Variants in B3GAT2 observed in about 807,000 individuals in gnomAD.
The protein encoded by B3GAT2 is galactosylgalactosylxylosylprotein 3-beta-glucuronosyltransferase 2.
A neutral mutation model predicts 27.8 loss-of-function variants in B3GAT2; 26 were observed. That is an observed-to-expected ratio of 0.93 (90% CI 0.68 to 1.30). The LOEUF (loss-of-function observed/expected upper bound fraction) is 1.30. B3GAT2 is among the 50% of genes most tolerant of loss of function. The pLI, the probability that B3GAT2 is intolerant of heterozygous loss-of-function variation, is 0.00. For synonymous variants in B3GAT2, 218 were observed against 195.1 expected (o/e 1.12, Z -0.98); for missense variants, 458 against 459.0 (o/e 1.00, Z 0.02).
chr6:70,858,285 ATCTTTTT>A lies in B3GAT2; in HGVS notation c.*3371_*3377del. Reference sequence around the variant, plus strand: ...AAATCAAACCAGATTTATTTTCTAAATCTTTTTTTTTTTTTTTTTTTTTTTTTTTTAA... The same window carrying A: ...AAATCAAACCAGATTTATTTTCTAAATTTTTTTTTTTTTTTTTTTTTTTAA... On this transcript the variant is annotated 3_prime_UTR_variant, in exon 4 of 4. Coordinates refer to ENST00000230053, the MANE Select transcript of B3GAT2 (RefSeq NM_080742.3). 4.9e-6 allele frequency: 5 copies of A among 1,019,714 alleles called. No homozygotes were observed. Among genetic ancestry groups the A allele is most frequent in the African/African-American group, 2.1e-5 (1 of 48,740 alleles). The allele number at this position is 1,019,714 out of a possible 1,614,324, so 63.2% of individuals were successfully genotyped here.
chr6:70,920,264 C>T (rs556713984), intron 1 of B3GAT2, among the ~76,000 whole-genome samples: 209 of 152,298 alleles, frequency 1.4e-3, no homozygotes, highest in Non-Finnish European at 2.3e-3. Context: ...CTGCCTGTTG[C>T]GAATACCGTG....
Position 70,857,095 on chromosome 6 carries a change from T to G in B3GAT2, c.*4568A>C. 2 of 1,414,048 alleles carry G rather than the reference T, an allele frequency of 1.4e-6. No homozygotes were observed. Among genetic ancestry groups the G allele is most frequent in the Non-Finnish European group, 9.5e-7 (1 of 1,056,084 alleles). The allele number at this position is 1,414,048 out of a possible 1,614,324, so 87.6% of individuals were successfully genotyped here. On this transcript the variant is annotated 3_prime_UTR_variant, in exon 4 of 4. Transcript: ENST00000230053. ...AAGTACATCCTTTGTAATTATATAA[T>G]AAGATCAATTATATATCTTTTATTG...
At chr6:70,940,860 G>A (rs1161405655) in intron 1 of B3GAT2, among the ~76,000 whole-genome samples, 8 of 152,284 alleles carry the variant, frequency 5.3e-5, no homozygotes, top group Admixed American at 5.2e-4. Flanking sequence ...TCCAGGAGGT[G>A]GAAGTTGCAG....
intron 1 of B3GAT2, among the ~76,000 whole-genome samples, chr6:70,926,758 T>A (rs1317719637): frequency 6.6e-6 from 1 of 152,192 alleles, no homozygotes; most frequent in Non-Finnish European, 1.5e-5. Flanking sequence ...CTCTTCAGGA[T>A]ATTATGCAGG....
intron 1 of B3GAT2, among the ~76,000 whole-genome samples, chr6:70,921,707 T>C (rs1043746205): frequency 6.6e-6 from 1 of 152,238 alleles, no homozygotes; most frequent in Non-Finnish European, 1.5e-5. Flanking sequence ...TGATTCTTTC[T>C]CATCTGTGTG....
At position 70,929,254 on chromosome 6, in the gene B3GAT2, G is replaced by A. The variant is rs571036081; in HGVS notation, c.591+26585C>T. Among the ~76,000 whole-genome samples the A allele has an allele frequency of 4.1e-4, 63 of 151,936 alleles. No homozygotes were observed. The East Asian group carries it at 0.011, about 27-fold the overall frequency. On this transcript the variant is annotated intron_variant, in intron 1 of 3. Coordinates refer to ENST00000230053, the MANE Select transcript of B3GAT2 (RefSeq NM_080742.3). ...AGGAGATATACCTAATGTAAATGACGAGTTAATGGGTGCAGCACACCAACA... is the reference window on the plus strand; with the variant it reads ...AGGAGATATACCTAATGTAAATGACAAGTTAATGGGTGCAGCACACCAACA...
intron 2 of B3GAT2, among the ~76,000 whole-genome samples, chr6:70,888,651 C>T (rs964368044): frequency 3.3e-5 from 5 of 152,180 alleles, no homozygotes; most frequent in Non-Finnish European, 7.3e-5. Context: ...CTAATCACAT[C>T]AGTCCCCTAC....
intron 1 of B3GAT2, among the ~76,000 whole-genome samples, chr6:70,932,144 A>T (rs1773072403): frequency 6.6e-6 from 1 of 152,214 alleles, no homozygotes; most frequent in Non-Finnish European, 1.5e-5. Context: ...AAAACAAAAA[A>T]TAACAAGTGG....
At chr6:70,883,918 G>A (rs1772138235) in intron 2 of B3GAT2, among the ~76,000 whole-genome samples, 2 of 151,756 alleles carry the variant, frequency 1.3e-5, no homozygotes, top group East Asian at 1.9e-4. Context: ...TCTATTGAGC[G>A]TTCCCAAACT....
chr6:70,923,178 T>C (rs1253579682), intron 1 of B3GAT2, among the ~76,000 whole-genome samples: 1 of 152,212 alleles, frequency 6.6e-6, no homozygotes, highest in East Asian at 1.9e-4. Flanking sequence ...CATTGGGACC[T>C]AGTACCAGGT....
chr6:70,905,520 G>A (rs148012506), intron 1 of B3GAT2, among the ~76,000 whole-genome samples: 209 of 152,262 alleles, frequency 1.4e-3, no homozygotes, highest in African/African-American at 4.8e-3. Flanking sequence ...AATGTACTCC[G>A]ATAACCTACG....
intron 2 of B3GAT2, among the ~76,000 whole-genome samples, chr6:70,872,803 T>A (rs1330479251): frequency 6.6e-6 from 1 of 152,016 alleles, no homozygotes; most frequent in Non-Finnish European, 1.5e-5. Flanking sequence ...AAACAAATAT[T>A]TCCTAGTGTA....
intron 1 of B3GAT2, among the ~76,000 whole-genome samples, chr6:70,919,928 T>C (rs1772839256): frequency 6.6e-6 from 1 of 152,152 alleles, no homozygotes; most frequent in South Asian, 2.1e-4. Context: ...ACCACTGCTT[T>C]CTTCAGAGCT....
At chr6:70,902,967 T>C (rs753119220) in intron 1 of B3GAT2, among the ~76,000 whole-genome samples, 22 of 152,156 alleles carry the variant, frequency 1.4e-4, no homozygotes, top group African/African-American at 5.3e-4. Context: ...AGATCTATTG[T>C]ATATCATGGT....
At chr6:70,863,458 T>C (rs1771798392) in intron 2 of B3GAT2, among the ~76,000 whole-genome samples, 1 of 152,214 alleles carries the variant, frequency 6.6e-6, no homozygotes, top group African/African-American at 2.4e-5. Flanking sequence ...AAGCATTAGC[T>C]GTAGGACTAG....
chr6:70,865,406 C>T (rs546416548), intron 2 of B3GAT2, among the ~76,000 whole-genome samples: 6 of 152,326 alleles, frequency 3.9e-5, no homozygotes, highest in African/African-American at 1.4e-4. Flanking sequence ...GCGTGAGCTA[C>T]AGCAGCCAGT....
intron 1 of B3GAT2, among the ~76,000 whole-genome samples, chr6:70,950,064 G>GT (rs1765554806): frequency 1.5e-5 from 2 of 133,738 alleles, no homozygotes; most frequent in African/African-American, 2.8e-5. Flanking sequence ...TGGGGTGGGG[G>GT]TTGGGGGGAG....
chr6:70,903,439 G>A (rs1772542659), intron 1 of B3GAT2, among the ~76,000 whole-genome samples: 1 of 152,004 alleles, frequency 6.6e-6, no homozygotes, highest in Admixed American at 6.6e-5. Context: ...TGTAGACTGG[G>A]AGAACATATC....
intron 1 of B3GAT2, among the ~76,000 whole-genome samples, chr6:70,928,546 T>C (rs1773004057): frequency 6.6e-6 from 1 of 152,134 alleles, no homozygotes. Flanking sequence ...CATCAGAGAA[T>C]ACTATAAACA....
Sources: allele counts gnomAD v4.1 joint callset (sites outside exome capture counted in the v4.1 genomes callset), GRCh38; gene constraint gnomAD v4.1.1; transcripts MANE v1.5; gene names NCBI Gene and HGNC (gene_info 2026-07-23, HGNC 2026-07-21).